The following DLGAP2 variants were observed in gnomAD, a reference collection of about 807,000 sequenced individuals.
DLGAP2 encodes disks large-associated protein 2.
A neutral mutation model predicts 100.3 loss-of-function variants in DLGAP2; 26 were observed. The ratio of observed to expected loss-of-function variants is 0.26; its 90% CI spans 0.19 to 0.36. DLGAP2 has a LOEUF of 0.36. Ranked by LOEUF, DLGAP2 falls within the 10% of genes least tolerant of loss-of-function variation. The probability of loss-of-function intolerance (pLI) is 1.00; values close to 1 mark genes in which losing one functional copy is unlikely to be tolerated. For synonymous variants in DLGAP2, 886 were observed against 630.1 expected (o/e 1.41, Z -6.08); for missense variants, 1,858 against 1,453.2 (o/e 1.28, Z -4.53).
At chr8:1,217,032 T>A (rs28621837) in intron 2 of DLGAP2, among the ~76,000 whole-genome samples, 63,003 of 151,810 alleles carry the variant, frequency 0.42, 13,899 homozygotes, top group East Asian at 0.72. Flanking sequence ...TAGCTGGGGT[T>A]TGGTGTACAA....
intron 10 of DLGAP2, among the ~76,000 whole-genome samples, chr8:1,674,410 A>G (rs576314092): frequency 2.0e-5 from 3 of 152,260 alleles, no homozygotes; most frequent in African/African-American, 7.2e-5. Context: ...GCACATTCCT[A>G]TCCCACTGTA....
At chr8:1,187,229 C>T (rs1374297162) in intron 2 of DLGAP2, among the ~76,000 whole-genome samples, 10 of 152,078 alleles carry the variant, frequency 6.6e-5, no homozygotes, top group Non-Finnish European at 1.0e-4. Flanking sequence ...ACGGGACCTC[C>T]GTGACGTTTG....
At chr8:901,617 G>T (rs946187368) in intron 1 of DLGAP2, among the ~76,000 whole-genome samples, 28 of 152,188 alleles carry the variant, frequency 1.8e-4, no homozygotes, top group African/African-American at 6.3e-4. Context: ...GAGGAGAGCA[G>T]TATGTAAGCA....
chr8:1,278,710 G>C (rs1341183991), intron 3 of DLGAP2, among the ~76,000 whole-genome samples: 1 of 152,164 alleles, frequency 6.6e-6, no homozygotes, highest in Non-Finnish European at 1.5e-5. Flanking sequence ...TTTAGGCATA[G>C]GCAATTATAA....
chr8:1,266,966 C>T (rs936790606), intron 3 of DLGAP2, among the ~76,000 whole-genome samples: 24 of 152,136 alleles, frequency 1.6e-4, no homozygotes, highest in African/African-American at 3.9e-4. Flanking sequence ...CGGTGGCTCA[C>T]GCCTATAATC....
chr8:1,477,795 G>C (rs1457826613), intron 3 of DLGAP2, among the ~76,000 whole-genome samples: 2 of 88,026 alleles, frequency 2.3e-5, no homozygotes, highest in Non-Finnish European at 4.8e-5. Context: ...TGAAAGGTGA[G>C]AAAGAAAAAA....
At chr8:1,378,777 A>T (rs977603170) in intron 3 of DLGAP2, among the ~76,000 whole-genome samples, 12 of 152,166 alleles carry the variant, frequency 7.9e-5, no homozygotes, top group African/African-American at 2.9e-4. Flanking sequence ...GTCTTTCCTT[A>T]TGCAGTTTCT....
At chr8:835,591 T>C (rs28713252) in intron 1 of DLGAP2, among the ~76,000 whole-genome samples, 36,858 of 151,804 alleles carry the variant, frequency 0.24, 4,903 homozygotes, top group Non-Finnish European at 0.31. Context: ...TGGCTGGCCC[T>C]GCTGACAGGG....
chr8:741,118 G>A (rs1820471312), intron 1 of DLGAP2, among the ~76,000 whole-genome samples: 1 of 152,188 alleles, frequency 6.6e-6, no homozygotes, highest in African/African-American at 2.4e-5. Flanking sequence ...AATATGTTTT[G>A]TTGTTTCCTG....
chr8:1,661,124 CGTT>C (rs1369592013), intron 8 of DLGAP2, among the ~76,000 whole-genome samples: 1 of 152,184 alleles, frequency 6.6e-6, no homozygotes, highest in Admixed American at 6.5e-5. Flanking sequence ...TCCAAGAAAA[CGTT>C]GTCTAAATAG....
chr8:762,858 T>C (rs1174511730), intron 1 of DLGAP2, among the ~76,000 whole-genome samples: 1 of 152,050 alleles, frequency 6.6e-6, no homozygotes, highest in East Asian at 1.9e-4. Flanking sequence ...TTGAATTTTT[T>C]GTAGATACAG....
chr8:1,113,434 C>T (rs186296106), intron 2 of DLGAP2, among the ~76,000 whole-genome samples: 1 of 152,284 alleles, frequency 6.6e-6, no homozygotes, highest in East Asian at 1.9e-4. Context: ...CAGCTGCATT[C>T]CTAGGTATTT....
At chr8:1,644,793 T>G (rs34419529) in intron 8 of DLGAP2, among the ~76,000 whole-genome samples, 41,534 of 152,202 alleles carry the variant, frequency 0.27, 5,782 homozygotes, top group East Asian at 0.41. Flanking sequence ...TTAAAATGTA[T>G]TGACACCATG....
chr8:971,901 G>C (rs1362919304), intron 2 of DLGAP2, among the ~76,000 whole-genome samples: 1 of 152,092 alleles, frequency 6.6e-6, no homozygotes, highest in Admixed American at 6.5e-5. Context: ...GCAGCCCAGG[G>C]GTACAGGCTT....
At chr8:1,360,247 C>CGAGGCGGGGCTTCTCT (rs1801950842) in intron 3 of DLGAP2, among the ~76,000 whole-genome samples, 4 of 44,698 alleles carry the variant, frequency 8.9e-5, no homozygotes, top group African/African-American at 2.9e-4. Flanking sequence ...GGGGCTTCTC[C>CGAGGCGGGGCTTCTCT]GGGGCGGGGC....
In DLGAP2 at chr8:1,057,397, G is replaced by C. The variant is rs572536233; in HGVS notation, c.73+149431G>C. Among the ~76,000 whole-genome samples, 71 of 152,302 alleles carry C rather than the reference G, an allele frequency of 4.7e-4. 1 individual carries two copies. The South Asian group carries it at 0.014, about 31-fold the overall frequency. On this transcript the variant is annotated intron_variant, in intron 2 of 14. Transcript: ENST00000637795. ...TAATCCAAACATTCAAATGCTGCAC[G>C]TATTTTCCATTTTACTAAATCATTA...
At chr8:1,369,198 G>A (rs1802180112) in intron 3 of DLGAP2, 1 of 152,182 alleles carries the variant, frequency 6.6e-6, no homozygotes. Flanking sequence ...TGCTGGGGCT[G>A]TCATTACAAA....
chr8:1,565,849 C>T lies in DLGAP2; in HGVS notation c.1397C>T (p.Pro466Leu), dbSNP rs756698008. ...TSPKSAILPE[P>L]LLKSIGQRPL... ...CCAAAGTCGGCAATCCTACCAGAGC[C>T]GCTGCTGAAGTCCATCGGACAGAGA... Residue 466 changes from proline (P) to leucine (L), a missense_variant, in exon 6 of 15, where the codon CCG (proline) becomes CTG (leucine). Coordinates refer to ENST00000637795, the MANE Select transcript of DLGAP2 (RefSeq NM_001346810.2). The T allele has an allele frequency of 8.1e-6, 13 of 1,612,736 alleles. No homozygotes were observed. The highest frequency in any genetic ancestry group is 1.3e-5 in the African/African-American group (1 of 74,990).
chr8:1,216,674 T>A (rs2116801330), intron 2 of DLGAP2, among the ~76,000 whole-genome samples: 1 of 152,144 alleles, frequency 6.6e-6, no homozygotes, highest in South Asian at 2.1e-4. Flanking sequence ...ATTTATCTAG[T>A]TTTTGCCTTA....
Sources: gnomAD v4.1 joint callset for allele counts (sites outside exome capture counted in the v4.1 genomes callset) on GRCh38, gnomAD v4.1.1 for gene constraint, MANE v1.5 for transcripts, NCBI Gene and HGNC (gene_info 2026-07-23, HGNC 2026-07-21) for gene names.